SPAG16: variants seen among roughly 807,000 people sequenced by gnomAD.
SPAG16 encodes the protein sperm-associated antigen 16 protein.
In SPAG16, 86 loss-of-function variants were observed where a neutral mutation model predicts 80.4. The ratio of observed to expected loss-of-function variants is 1.07; its 90% CI spans 0.90 to 1.28. The LOEUF is 1.28. Ranked by LOEUF, SPAG16 falls within the 50% of genes most tolerant of loss-of-function variation. The pLI is 0.00. For synonymous variants in SPAG16, 294 were observed against 265.9 expected, an observed-to-expected ratio of 1.11 and a Z score of -1.03; for missense variants, 870 against 765.3, an observed-to-expected ratio of 1.14 and a Z score of -1.61.
At chr2:213,565,784 A>G (rs1191567951) in intron 10 of SPAG16, among the ~76,000 whole-genome samples, 2 of 152,226 alleles carry the variant, frequency 1.3e-5, no homozygotes, top group Non-Finnish European at 2.9e-5. Context: ...CCAGTTTTGA[A>G]TAAGGTAGGC....
intron 11 of SPAG16, among the ~76,000 whole-genome samples, chr2:213,903,998 T>G (rs1017793159): frequency 6.6e-6 from 1 of 152,142 alleles, no homozygotes; most frequent in African/African-American, 2.4e-5. Context: ...GTTCCTCATC[T>G]CCACCTGAGA....
chr2:213,462,429 G>T (rs2072428198), intron 9 of SPAG16, among the ~76,000 whole-genome samples: 1 of 152,160 alleles, frequency 6.6e-6, no homozygotes. Context: ...ATAAGTTTTT[G>T]ATTGTATTTG....
At chr2:213,892,962 G>A (rs1193809325) in intron 11 of SPAG16, among the ~76,000 whole-genome samples, 1 of 152,018 alleles carries the variant, frequency 6.6e-6, no homozygotes, top group African/African-American at 2.4e-5. Flanking sequence ...GCACACATAG[G>A]CGAACAACAT....
chr2:214,157,173 T>G (rs571988097), intron 15 of SPAG16, among the ~76,000 whole-genome samples: 2 of 152,186 alleles, frequency 1.3e-5, no homozygotes, highest in Non-Finnish European at 2.9e-5. Flanking sequence ...ATACCTGGAA[T>G]GAGGTATGCT....
Position 214,075,414 on chromosome 2 carries a change from G to T in SPAG16, c.1528-32782G>T, listed in dbSNP as rs1297535719. On this transcript the variant is annotated intron_variant, in intron 13 of 15. Coordinates refer to ENST00000331683, the MANE Select transcript of SPAG16 (RefSeq NM_024532.5). ...AACTTTATTGATAAAAATCAAAATAGTGTTTACTTTATGGGGAGATAGTTA... is the reference window on the plus strand; with the variant it reads ...AACTTTATTGATAAAAATCAAAATATTGTTTACTTTATGGGGAGATAGTTA... Among the ~76,000 whole-genome samples the T allele has an allele frequency of 1.3e-5, 2 of 152,010 alleles. 1 individual carries two copies. The highest frequency in any genetic ancestry group is 4.2e-4 in the South Asian group (2 of 4,814).
chr2:213,436,233 A>G (rs2070630969), intron 9 of SPAG16, among the ~76,000 whole-genome samples: 1 of 152,234 alleles, frequency 6.6e-6, no homozygotes, highest in Non-Finnish European at 1.5e-5. Context: ...AAATTGGGCA[A>G]TTAAAAACAA....
intron 7 of SPAG16, among the ~76,000 whole-genome samples, chr2:213,352,004 T>G (rs2065356291): frequency 6.6e-6 from 1 of 151,836 alleles, no homozygotes; most frequent in South Asian, 2.1e-4. Context: ...ATTGAGTGAG[T>G]CTCAAGAGAT....
At chr2:214,186,652 T>G (rs570432136) in intron 15 of SPAG16, among the ~76,000 whole-genome samples, 1 of 152,236 alleles carries the variant, frequency 6.6e-6, no homozygotes, top group East Asian at 1.9e-4. Context: ...ATGGAGGTAA[T>G]GAATACTAAC....
intron 10 of SPAG16, among the ~76,000 whole-genome samples, chr2:213,790,620 G>A (rs954217020): frequency 1.2e-4 from 18 of 151,794 alleles, no homozygotes; most frequent in African/African-American, 3.1e-4. Context: ...TTTTGTGGGT[G>A]AAAAACACCA....
intron 10 of SPAG16, among the ~76,000 whole-genome samples, chr2:213,757,409 A>G (rs2068402316): frequency 6.6e-6 from 1 of 152,142 alleles, no homozygotes; most frequent in African/African-American, 2.4e-5. Flanking sequence ...CAAACAATCT[A>G]AAGAACAAGC....
intron 13 of SPAG16, among the ~76,000 whole-genome samples, chr2:214,031,359 G>T (rs2048399854): frequency 7.1e-6 from 1 of 141,726 alleles, no homozygotes; most frequent in African/African-American, 2.6e-5. Flanking sequence ...AACACCGCAT[G>T]TTCTCACTCA....
At chr2:213,583,829 A>G (rs572722348) in intron 10 of SPAG16, among the ~76,000 whole-genome samples, 273 of 152,330 alleles carry the variant, frequency 1.8e-3, no homozygotes, top group Non-Finnish European at 3.4e-3. Flanking sequence ...CTGGATTTCT[A>G]TGATTTCTTT....
intron 10 of SPAG16, among the ~76,000 whole-genome samples, chr2:213,762,432 T>C (rs2068715578): frequency 1.3e-5 from 2 of 152,172 alleles, no homozygotes; most frequent in African/African-American, 4.8e-5. Flanking sequence ...GGTACTAGAA[T>C]AAAGACAGCT....
intron 10 of SPAG16, among the ~76,000 whole-genome samples, chr2:213,603,352 T>C (rs1273760858): frequency 1.3e-5 from 2 of 152,262 alleles, no homozygotes; most frequent in Non-Finnish European, 2.9e-5. Context: ...AATCTTCTGA[T>C]GCTTATACGC....
chr2:213,552,542 A>G (rs897132878), intron 10 of SPAG16, among the ~76,000 whole-genome samples: 34 of 152,200 alleles, frequency 2.2e-4, no homozygotes, highest in African/African-American at 8.0e-4. Context: ...ATATATTGAT[A>G]AGCTGTGTTT....
chr2:213,929,858 A>G lies in SPAG16; in HGVS notation c.1215-102A>G. 3.0e-6 allele frequency: 3 copies of G among 987,082 alleles called. No homozygotes were observed. The South Asian group carries it at 5.4e-5, about 18-fold the overall frequency. 61.1% of individuals were successfully genotyped at this position (987,082 alleles called of 1,614,324 possible). On this transcript the variant is annotated intron_variant, in intron 11 of 15. Coordinates refer to ENST00000331683, the MANE Select transcript of SPAG16 (RefSeq NM_024532.5). ...GATATGCCACTACAAGTAAAAATAA[A>G]TCAGATACATACACATACACACAAA... is the stretch of plus-strand genomic sequence containing the variant.
At chr2:214,368,593 A>G (rs1421210291) in intron 15 of SPAG16, among the ~76,000 whole-genome samples, 3 of 151,974 alleles carry the variant, frequency 2.0e-5, no homozygotes, top group South Asian at 2.1e-4. Flanking sequence ...TCTCACCTCA[A>G]TCAACAACCT....
chr2:214,329,088 C>A (rs943948559), intron 15 of SPAG16, among the ~76,000 whole-genome samples: 1 of 152,198 alleles, frequency 6.6e-6, no homozygotes, highest in African/African-American at 2.4e-5. Context: ...AATAGCCAAT[C>A]TGTGACGCAA....
At chr2:213,375,963 AT>A (rs1161571967) in intron 9 of SPAG16, among the ~76,000 whole-genome samples, 1 of 150,052 alleles carries the variant, frequency 6.7e-6, no homozygotes, top group Non-Finnish European at 1.5e-5. Flanking sequence ...TTGTATAAAT[AT>A]AAAATATAAA....
Sources: gnomAD v4.1 joint callset for allele counts (sites outside exome capture counted in the v4.1 genomes callset) on GRCh38, gnomAD v4.1.1 for gene constraint, MANE v1.5 for transcripts, NCBI Gene and HGNC (gene_info 2026-07-23, HGNC 2026-07-21) for gene names.